Variants in SNTG2 observed in about 807,000 individuals in gnomAD.
SNTG2 encodes the protein syntrophin gamma 2, also known as gamma-2-syntrophin.
Under a neutral mutation model 70.9 loss-of-function variants are expected in SNTG2, and 74 were observed. The observed-to-expected ratio is 1.04, with a 90% CI of 0.86 to 1.27. SNTG2 has a LOEUF of 1.27. Ranked by LOEUF, SNTG2 falls within the 50% of genes most tolerant of loss-of-function variation. The probability of loss-of-function intolerance (pLI) is 0.00; values close to 1 mark genes in which losing one functional copy is unlikely to be tolerated. For missense variants in SNTG2, 717 were observed against 690.7 expected, an observed-to-expected ratio of 1.04 and a Z score of -0.43; for synonymous variants, 278 against 273.8, an observed-to-expected ratio of 1.02 and a Z score of -0.15.
At chr2:1,183,366 T>C (rs559641971) in intron 8 of SNTG2, among the ~76,000 whole-genome samples, 37 of 152,230 alleles carry the variant, frequency 2.4e-4, no homozygotes, top group African/African-American at 8.4e-4. Context: ...GGGTGTCTGC[T>C]CAGGAGTGCA....
At chr2:1,155,700 G>A (rs1459924172) in intron 6 of SNTG2, among the ~76,000 whole-genome samples, 3 of 152,252 alleles carry the variant, frequency 2.0e-5, no homozygotes, top group Admixed American at 6.5e-5. Flanking sequence ...TGGGCAAAGC[G>A]GGGCTCTGAG....
Position 1,261,281 on chromosome 2 carries a change from TTCA to T in SNTG2, c.1077+1842_1077+1844del, listed in dbSNP as rs567608415. Among the ~76,000 whole-genome samples, 61 of 152,324 alleles carry T rather than the reference TTCA, an allele frequency of 4.0e-4. No individual in the cohort carries two copies. In the South Asian group the frequency reaches 0.013, roughly 32 times the overall value. On this transcript the variant is annotated intron_variant, in intron 13 of 16. Coordinates refer to ENST00000308624, the MANE Select transcript of SNTG2 (RefSeq NM_018968.4). The stretch of plus-strand genomic sequence containing the variant: ...TAAATTTAAAAGTAAATGCATTCAG[TTCA>T]TTTTCAGAAATGTAAATAAATATGT...
chr2:1,084,936 C>T (rs921494319), intron 2 of SNTG2, among the ~76,000 whole-genome samples: 2 of 152,198 alleles, frequency 1.3e-5, no homozygotes, highest in African/African-American at 4.8e-5. Context: ...CCACAGCCCA[C>T]ACCCCGGCAC....
intron 8 of SNTG2, among the ~76,000 whole-genome samples, chr2:1,200,408 A>G (rs1327438019): frequency 1.3e-5 from 2 of 152,068 alleles, no homozygotes; most frequent in African/African-American, 2.4e-5. Context: ...CCAAAATTAT[A>G]AAACTACTAG....
At chr2:1,349,993 T>C (rs1436774618) in intron 16 of SNTG2, among the ~76,000 whole-genome samples, 1 of 152,196 alleles carries the variant, frequency 6.6e-6, no homozygotes, top group African/African-American at 2.4e-5. Flanking sequence ...TTGGAGGGGA[T>C]AACAACTTAT....
At chr2:1,255,123 G>A (rs771938313) in intron 12 of SNTG2, among the ~76,000 whole-genome samples, 2 of 152,162 alleles carry the variant, frequency 1.3e-5, no homozygotes, top group Non-Finnish European at 2.9e-5. Context: ...TCAGGAAGTC[G>A]TGGCGTGGAG....
chr2:1,076,366 G>T (rs1181059765), intron 1 of SNTG2, among the ~76,000 whole-genome samples: 1 of 152,094 alleles, frequency 6.6e-6, no homozygotes, highest in Non-Finnish European at 1.5e-5. Flanking sequence ...GGCTCTTTAC[G>T]CTTCTTCCAG....
intron 14 of SNTG2, among the ~76,000 whole-genome samples, chr2:1,275,117 G>T (rs996438345): frequency 6.6e-6 from 1 of 152,178 alleles, no homozygotes; most frequent in Admixed American, 6.5e-5. Context: ...CAGAGAGGGA[G>T]AACTCTCTCA....
intron 4 of SNTG2, among the ~76,000 whole-genome samples, chr2:1,109,310 C>G (rs1306297156): frequency 2.0e-5 from 3 of 151,978 alleles, no homozygotes; most frequent in African/African-American, 7.3e-5. Flanking sequence ...TGTGGTGTTT[C>G]CAACACAGCA....
intron 1 of SNTG2, among the ~76,000 whole-genome samples, chr2:1,076,028 G>A (rs543408288): frequency 2.6e-5 from 4 of 152,288 alleles, no homozygotes; most frequent in East Asian, 1.9e-4. Flanking sequence ...AGACGTCGTC[G>A]GACGTGTCTG....
intron 8 of SNTG2, among the ~76,000 whole-genome samples, chr2:1,203,820 A>T (rs930693989): frequency 1.3e-5 from 2 of 152,058 alleles, no homozygotes; most frequent in Admixed American, 1.3e-4. Flanking sequence ...ATCATGTATC[A>T]TGAAAAAAAT....
intron 1 of SNTG2, among the ~76,000 whole-genome samples, chr2:1,042,133 A>G (rs1428739269): frequency 3.3e-5 from 5 of 152,376 alleles, no homozygotes; most frequent in Non-Finnish European, 5.9e-5. Context: ...AATGCATATT[A>G]GAACTAACGA....
At chr2:1,272,240 A>T (rs1341177390) in intron 14 of SNTG2, among the ~76,000 whole-genome samples, 2 of 151,780 alleles carry the variant, frequency 1.3e-5, no homozygotes, top group African/African-American at 2.4e-5. Context: ...AGACGGTCCC[A>T]TCTGGGGGGA....
At chr2:955,682 C>T (rs943226291) in intron 1 of SNTG2, among the ~76,000 whole-genome samples, 2 of 152,228 alleles carry the variant, frequency 1.3e-5, no homozygotes, top group East Asian at 1.9e-4. Context: ...GCCATGGGGA[C>T]GCACTCAGAT....
intron 16 of SNTG2, among the ~76,000 whole-genome samples, chr2:1,323,617 G>C (rs1331233092): frequency 1.4e-5 from 2 of 147,046 alleles, no homozygotes; most frequent in Non-Finnish European, 3.0e-5. Context: ...TGGGACATGG[G>C]TAACAGTCAC....
intron 8 of SNTG2, among the ~76,000 whole-genome samples, chr2:1,204,057 A>T (rs1321587207): frequency 1.3e-5 from 2 of 152,178 alleles, no homozygotes; most frequent in Admixed American, 6.5e-5. Flanking sequence ...GCATCATTCG[A>T]TTAATACCGA....
At chr2:1,112,083 TAA>T (rs1238414142) in intron 4 of SNTG2, among the ~76,000 whole-genome samples, 7 of 151,694 alleles carry the variant, frequency 4.6e-5, no homozygotes, top group Non-Finnish European at 8.8e-5. Context: ...TCGTGTGTAC[TAA>T]GTGAGGTTAA....
chr2:1,226,229 G>T (rs28647468), intron 9 of SNTG2, among the ~76,000 whole-genome samples: 33,612 of 152,082 alleles, frequency 0.22, 5,898 homozygotes, highest in African/African-American at 0.48. Flanking sequence ...CATTAGAAAG[G>T]TGGATTTGGA....
intron 4 of SNTG2, among the ~76,000 whole-genome samples, chr2:1,102,109 G>A (rs6716119): frequency 0.4 from 60,343 of 152,140 alleles, 13,126 homozygotes; most frequent in Non-Finnish European, 0.49. Context: ...ACTGGAGAAG[G>A]CAGGCAGTGA....
Sources: allele counts gnomAD v4.1 joint callset (sites outside exome capture counted in the v4.1 genomes callset), GRCh38; gene constraint gnomAD v4.1.1; transcripts MANE v1.5; gene names NCBI Gene and HGNC (gene_info 2026-07-23, HGNC 2026-07-21).